ARID1A: variants seen among roughly 807,000 people sequenced by gnomAD.
ARID1A encodes AT-rich interaction domain 1A.
ARID1A carries 20 observed loss-of-function variants against 212.6 expected under a neutral mutation model. That is an observed-to-expected ratio of 0.09 (90% CI 0.07 to 0.14). The LOEUF (loss-of-function observed/expected upper bound fraction) is 0.14. Among genes scored for constraint, ARID1A ranks in the 10% least tolerant of loss-of-function variants. The probability of loss-of-function intolerance (pLI) is 1.00; values close to 1 mark genes in which losing one functional copy is unlikely to be tolerated. For missense variants in ARID1A, 2,587 were observed against 3,059.0 expected (o/e 0.85, Z 3.64); for synonymous variants, 1,376 against 1,222.1 (o/e 1.13, Z -2.63).
At chr1:26,705,509 C>T (rs2080383422) in intron 1 of ARID1A, among the ~76,000 whole-genome samples, 1 of 150,104 alleles carries the variant, frequency 6.7e-6, no homozygotes, top group South Asian at 2.1e-4. Flanking sequence ...CTTGGATAAA[C>T]ATTCTGGTTT....
At chr1:26,706,878 G>T (rs938396599) in intron 1 of ARID1A, among the ~76,000 whole-genome samples, 11 of 152,300 alleles carry the variant, frequency 7.2e-5, no homozygotes, top group Admixed American at 7.2e-4. Flanking sequence ...TGGTAATTTA[G>T]GTTTGGATAA....
chr1:26,738,029 C>CTT (rs71007891), intron 4 of ARID1A, among the ~76,000 whole-genome samples: 62 of 144,832 alleles, frequency 4.3e-4, no homozygotes, highest in South Asian at 2.2e-4. Context: ...ATAGTAAACT[C>CTT]TTTTTTTTTT....
intron 1 of ARID1A, among the ~76,000 whole-genome samples, chr1:26,712,755 G>A (rs909315817): frequency 1.3e-5 from 2 of 152,206 alleles, no homozygotes; most frequent in African/African-American, 4.8e-5. Flanking sequence ...TCTCTGCAGT[G>A]AATGAGGACT....
At chr1:26,750,469 T>C (rs2080874213) in intron 4 of ARID1A, among the ~76,000 whole-genome samples, 1 of 152,118 alleles carries the variant, frequency 6.6e-6, no homozygotes, top group Middle Eastern at 3.2e-3. Context: ...GCTTGGCTTT[T>C]AAAGCCTCTA....
At chr1:26,703,799 A>C (rs2124752949) in intron 1 of ARID1A, among the ~76,000 whole-genome samples, 1 of 152,338 alleles carries the variant, frequency 6.6e-6, no homozygotes, top group South Asian at 2.1e-4. Flanking sequence ...TACTAGGAAG[A>C]GATTTAAAAG....
At chr1:26,723,104 G>T (rs535230184) in intron 1 of ARID1A, among the ~76,000 whole-genome samples, 2 of 152,274 alleles carry the variant, frequency 1.3e-5, no homozygotes, top group Admixed American at 1.3e-4. Flanking sequence ...CAGGATAAGG[G>T]GCGTTAGATA....
intron 1 of ARID1A, among the ~76,000 whole-genome samples, chr1:26,710,457 C>CA (rs2080440489): frequency 7.0e-6 from 1 of 142,796 alleles, no homozygotes; most frequent in Non-Finnish European, 1.5e-5. Context: ...GCCTGGGCGA[C>CA]AGAGCGAGAT....
chr1:26,713,483 C>T (rs1269024700), intron 1 of ARID1A, among the ~76,000 whole-genome samples: 1 of 151,766 alleles, frequency 6.6e-6, no homozygotes, highest in Non-Finnish European at 1.5e-5. Flanking sequence ...CTCAGCCTCC[C>T]GAGTAGCTGG....
chr1:26,735,953 C>T (rs756861392), intron 4 of ARID1A, among the ~76,000 whole-genome samples: 1 of 152,150 alleles, frequency 6.6e-6, no homozygotes, highest in African/African-American at 2.4e-5. Context: ...CAGAAAACTA[C>T]TACCTAATCA....
Position 26,731,511 on chromosome 1 carries a change from C to T in ARID1A, c.1710C>T (p.Pro570=), listed in dbSNP as rs564073982. 6 of 1,614,118 alleles carry T rather than the reference C, an allele frequency of 3.7e-6. No homozygotes were observed. The African/African-American group carries it at 8.0e-5, about 22-fold the overall frequency. ...AGCAGCAACCTCAGCAGCCAGCACCCTCGACGCTCTCCCAGCAGGCTGCGT... is the reference window on the plus strand; with the variant it reads ...AGCAGCAACCTCAGCAGCCAGCACCTTCGACGCTCTCCCAGCAGGCTGCGT... ...YQQQQPQQPA[P]STLSQQAAYP... Residue 570 remains proline (P), a synonymous_variant, in exon 3 of 20, where the codon CCC becomes CCT. Transcript: ENST00000324856.
intron 1 of ARID1A, among the ~76,000 whole-genome samples, chr1:26,708,557 T>G (rs1441587183): frequency 6.6e-6 from 1 of 151,916 alleles, no homozygotes; most frequent in Non-Finnish European, 1.5e-5. Flanking sequence ...GTGCTGGGAT[T>G]ACAGGTGCGA....
At chr1:26,751,460 A>G (rs1472826578) in intron 4 of ARID1A, among the ~76,000 whole-genome samples, 1 of 152,208 alleles carries the variant, frequency 6.6e-6, no homozygotes, top group Non-Finnish European at 1.5e-5. Flanking sequence ...GATCATGTCA[A>G]GCTTCTATTA....
At chr1:26,760,126 G>C (rs2080977107) in intron 4 of ARID1A, among the ~76,000 whole-genome samples, 1 of 152,194 alleles carries the variant, frequency 6.6e-6, no homozygotes, top group South Asian at 2.1e-4. Flanking sequence ...TTTGCTATTA[G>C]AAAAGAACTA....
chr1:26,709,626 CTTTTTTT>C (rs57532083), intron 1 of ARID1A, among the ~76,000 whole-genome samples: 3 of 118,508 alleles, frequency 2.5e-5, no homozygotes, highest in Non-Finnish European at 5.1e-5. Flanking sequence ...TACTGTAATG[CTTTTTTT>C]TTTTTTTTTT....
chr1:26,730,149 G>A (rs2080659608), intron 2 of ARID1A, among the ~76,000 whole-genome samples: 1 of 152,184 alleles, frequency 6.6e-6, no homozygotes, highest in South Asian at 2.1e-4. Context: ...AATGAGATGG[G>A]ATGAAAGGCA....
chr1:26,703,609 C>T (rs2080359656), intron 1 of ARID1A, among the ~76,000 whole-genome samples: 1 of 152,176 alleles, frequency 6.6e-6, no homozygotes, highest in Non-Finnish European at 1.5e-5. Flanking sequence ...ATACAAAACA[C>T]AAAAACTTGG....
intron 2 of ARID1A, among the ~76,000 whole-genome samples, chr1:26,730,800 G>A (rs968728430): frequency 6.6e-6 from 1 of 152,170 alleles, no homozygotes; most frequent in African/African-American, 2.4e-5. Flanking sequence ...ATTCATTGTG[G>A]TTAGGGTACA....
chr1:26,740,505 G>C (rs972593229), intron 4 of ARID1A, among the ~76,000 whole-genome samples: 1 of 152,166 alleles, frequency 6.6e-6, no homozygotes, highest in Non-Finnish European at 1.5e-5. Context: ...TTGAACAGAG[G>C]CCATGCAGGG....
In ARID1A at chr1:26,774,803, G is replaced by A. The variant is rs773815689; in HGVS notation, c.4576G>A (p.Val1526Met). The change falls in exon 18 of 20, where the codon GTG becomes ATG. Residue 1526 changes from valine to methionine, a missense_variant. Val to Met is a conservative substitution (Grantham distance 21, BLOSUM62 1). Coordinates refer to ENST00000324856, the MANE Select transcript of ARID1A (RefSeq NM_006015.6). This position sits in a 1 kb window ranked among gnomAD's most constrained non-coding sequence, Gnocchi z 5.6. ...SAPQGPAYHG[V>M]NRTDEMLHTD... is the part of the protein sequence containing the mutation. ...CCCCCAGGGCCCCGCCTATCATGGCGTGAACCGAACAGATGAAATGCTGCA... is the reference window on the plus strand; with the variant it reads ...CCCCCAGGGCCCCGCCTATCATGGCATGAACCGAACAGATGAAATGCTGCA... 72 of 1,614,022 alleles carry A rather than the reference G, an allele frequency of 4.5e-5. No homozygotes were observed. The highest frequency in any genetic ancestry group is 3.8e-4 in the Admixed American group (23 of 59,998).
Sources: gnomAD v4.1 joint callset for allele counts (sites outside exome capture counted in the v4.1 genomes callset) on GRCh38, gnomAD v4.1.1 for gene constraint, Gnocchi (gnomAD v3.1) non-coding constraint, MANE v1.5 for transcripts, NCBI Gene and HGNC (gene_info 2026-07-23, HGNC 2026-07-21) for gene names.